The following RANBP2 variants were observed in gnomAD, a reference collection of about 807,000 sequenced individuals.
The protein encoded by RANBP2 is RAN binding protein 2.
Under a neutral mutation model 303.6 loss-of-function variants are expected in RANBP2, and 57 were observed. That is an observed-to-expected ratio of 0.19 (90% CI 0.15 to 0.23). The LOEUF is 0.23. Among genes scored for constraint, RANBP2 ranks in the 10% least tolerant of loss-of-function variants. The pLI is 1.00. For missense variants in RANBP2, 3,138 were observed against 3,780.8 expected (o/e 0.83, Z 4.46); for synonymous variants, 1,167 against 1,301.5 (o/e 0.90, Z 2.23).
At chr2:109,509,172 AG>A in the RANBP2 span, among the ~76,000 whole-genome samples, 6 of 152,150 alleles carry the variant, frequency 3.9e-5, no homozygotes, top group Non-Finnish European at 7.3e-5. Context: ...GCCCAGCACC[AG>A]GGTCACGGAG....
chr2:109,150,235 C>G, the RANBP2 span, among the ~76,000 whole-genome samples: 1 of 151,948 alleles, frequency 6.6e-6, no homozygotes, highest in Non-Finnish European at 1.5e-5. Context: ...GAAGAGTGTT[C>G]CAGCGGAGGG....
chr2:108,894,534 A>AAAAT, the RANBP2 span: 5 of 152,738 alleles, frequency 3.3e-5, no homozygotes, highest in East Asian at 7.7e-4. Flanking sequence ...GAATTAGACA[A>AAAAT]AAATAATATT....
chr2:109,093,782 C>T, the RANBP2 span, among the ~76,000 whole-genome samples: 5 of 152,108 alleles, frequency 3.3e-5, no homozygotes, highest in African/African-American at 9.7e-5. Context: ...TTGTTCTTCT[C>T]CGTTTTGTCT....
At chr2:109,118,307 G>C in the RANBP2 span, among the ~76,000 whole-genome samples, 1 of 151,976 alleles carries the variant, frequency 6.6e-6, no homozygotes. Flanking sequence ...TGCTGCTCCT[G>C]TTCTGGGTGT....
the RANBP2 span, among the ~76,000 whole-genome samples, chr2:109,283,658 G>A: frequency 2.8e-4 from 42 of 152,308 alleles, no homozygotes; most frequent in African/African-American, 9.4e-4. Context: ...GTGCACATGG[G>A]GACCTGGAAG....
chr2:109,397,290 C>G, the RANBP2 span, among the ~76,000 whole-genome samples: 1 of 148,218 alleles, frequency 6.7e-6, no homozygotes, highest in African/African-American at 2.7e-5. Context: ...GGCATTTACT[C>G]AGTTTTTTTC....
chr2:108,790,671 A>G (rs1333098039), downstream of RANBP2, among the ~76,000 whole-genome samples: 1 of 152,224 alleles, frequency 6.6e-6, no homozygotes, highest in Non-Finnish European at 1.5e-5. Flanking sequence ...ACTGCACTGC[A>G]ACCTGGGTGA....
At chr2:109,443,092 G>A in the RANBP2 span, among the ~76,000 whole-genome samples, 1 of 152,256 alleles carries the variant, frequency 6.6e-6, no homozygotes, top group Admixed American at 6.5e-5. Flanking sequence ...CTGAATTTGT[G>A]AATACTGAAC....
Position 108,771,729 on chromosome 2 carries a change from T to A in RANBP2, c.7878T>A (p.Ser2626=). 1 of 1,613,698 alleles carries A rather than the reference T, an allele frequency of 6.2e-7. No homozygotes were observed. The highest frequency in any genetic ancestry group is 8.5e-7 in the Non-Finnish European group (1 of 1,179,934). ...KAKEKKKPED[S]PSDDDVLIVY... Reference sequence around the variant, plus strand: ...AAGAGAAGAAAAAACCTGAAGATTCTCCCTCAGATGATGATGTTCTCATTG... The same window carrying A: ...AAGAGAAGAAAAAACCTGAAGATTCACCCTCAGATGATGATGTTCTCATTG... Residue 2626 remains serine (S), a synonymous_variant, in exon 21 of 29, where the codon TCT becomes TCA. Coordinates refer to ENST00000283195, the MANE Select transcript of RANBP2 (RefSeq NM_006267.5).
At chr2:109,283,816 C>G in the RANBP2 span, among the ~76,000 whole-genome samples, 7 of 152,202 alleles carry the variant, frequency 4.6e-5, no homozygotes, top group Non-Finnish European at 8.8e-5. Context: ...CTCTCTGCTC[C>G]CTGGGAGGAT....
chr2:109,028,253 A>C, the RANBP2 span, among the ~76,000 whole-genome samples: 1 of 152,252 alleles, frequency 6.6e-6, no homozygotes, highest in African/African-American at 2.4e-5. Flanking sequence ...TCTGGGTGAC[A>C]GAGTGAGACC....
chr2:109,381,604 G>C, the RANBP2 span, among the ~76,000 whole-genome samples: 4 of 151,820 alleles, frequency 2.6e-5, no homozygotes, highest in African/African-American at 9.7e-5. Flanking sequence ...TACCTTTCCT[G>C]CTTGAGTAAG....
At chr2:108,849,209 G>A in the RANBP2 span, among the ~76,000 whole-genome samples, 2 of 151,972 alleles carry the variant, frequency 1.3e-5, no homozygotes, top group African/African-American at 2.4e-5. Flanking sequence ...AAAGAAAACA[G>A]AACATCAGTG....
At chr2:108,746,606 CTG>C (rs1374093917) in intron 7 of RANBP2, 103 bp from the exon 8 acceptor site, 1 of 899,736 alleles carries the variant, frequency 1.1e-6, no homozygotes, top group Non-Finnish European at 1.7e-6. Flanking sequence ...TAATGGTTAA[CTG>C]TTTATTCATT....
At chr2:109,650,164 C>G in the RANBP2 span, among the ~76,000 whole-genome samples, 25 of 152,316 alleles carry the variant, frequency 1.6e-4, no homozygotes, top group South Asian at 8.3e-4. Context: ...TAAGGCTCAT[C>G]ATCATACGTT....
At chr2:109,305,765 T>C in the RANBP2 span, among the ~76,000 whole-genome samples, 1 of 152,234 alleles carries the variant, frequency 6.6e-6, no homozygotes, top group Admixed American at 6.5e-5. Flanking sequence ...TGCGGTTCCC[T>C]GAGACAGATG....
At chr2:109,485,271 A>G in the RANBP2 span, among the ~76,000 whole-genome samples, 2 of 152,262 alleles carry the variant, frequency 1.3e-5, no homozygotes, top group African/African-American at 4.8e-5. Flanking sequence ...ACATGGCTTA[A>G]TCAAGAAGGT....
the RANBP2 span, among the ~76,000 whole-genome samples, chr2:109,380,556 T>G: frequency 2.6e-5 from 4 of 152,230 alleles, no homozygotes; most frequent in Non-Finnish European, 5.9e-5. Context: ...GACAGCTTAG[T>G]AAGTTTTTGT....
chr2:109,717,545 G>T, the RANBP2 span, among the ~76,000 whole-genome samples: 2 of 151,654 alleles, frequency 1.3e-5, no homozygotes, highest in Middle Eastern at 6.8e-3. Context: ...TCTTACCATT[G>T]CATTCCAGCC....
Sources: gnomAD v4.1 joint callset for allele counts (sites outside exome capture counted in the v4.1 genomes callset) on GRCh38, gnomAD v4.1.1 for gene constraint, MANE v1.5 for transcripts, NCBI Gene and HGNC (gene_info 2026-07-23, HGNC 2026-07-21) for gene names.